CMSS1: variants seen among roughly 807,000 people sequenced by gnomAD.
The protein encoded by CMSS1 is cms1 ribosomal small subunit homolog, also known as protein CMSS1.
In CMSS1, 33 loss-of-function variants were observed where a neutral mutation model predicts 43.5. That is an observed-to-expected ratio of 0.76 (90% CI 0.57 to 1.01). CMSS1 has a LOEUF of 1.01. Among genes scored for constraint, CMSS1 ranks in the 50% least tolerant of loss-of-function variants. The pLI is 0.00. For missense variants in CMSS1, 313 were observed against 326.4 expected, an observed-to-expected ratio of 0.96 and a Z score of 0.32; for synonymous variants, 115 against 117.2, an observed-to-expected ratio of 0.98 and a Z score of 0.12.
At chr3:99,907,748 T>A (rs1706666164) in intron 1 of CMSS1, among the ~76,000 whole-genome samples, 1 of 152,228 alleles carries the variant, frequency 6.6e-6, no homozygotes, top group Non-Finnish European at 1.5e-5. Flanking sequence ...CTTCTCTTTT[T>A]CTCCTTGTCT....
chr3:99,823,925 C>CTTT (rs1288112808), intron 1 of CMSS1, among the ~76,000 whole-genome samples: 2 of 141,978 alleles, frequency 1.4e-5, no homozygotes, highest in African/African-American at 2.6e-5. Context: ...TTCTTTCTTT[C>CTTT]TTTTTTTTTT....
chr3:100,025,163 A>G (rs1415242580), intron 1 of CMSS1, among the ~76,000 whole-genome samples: 2 of 152,166 alleles, frequency 1.3e-5, no homozygotes, highest in East Asian at 3.8e-4. Context: ...TAGCTAAAAG[A>G]GAGAAAGGCT....
At chr3:100,076,394 C>A (rs1304237885) in intron 1 of CMSS1, among the ~76,000 whole-genome samples, 4 of 152,236 alleles carry the variant, frequency 2.6e-5, no homozygotes, top group African/African-American at 4.8e-5. Context: ...TTACTCACCA[C>A]CCGCCCAACA....
chr3:99,836,317 C>T (rs1266690390), intron 1 of CMSS1, among the ~76,000 whole-genome samples: 2 of 151,984 alleles, frequency 1.3e-5, no homozygotes, highest in Non-Finnish European at 2.9e-5. Flanking sequence ...TGAACCTGAG[C>T]AGTGGGGAAG....
rs187675975 is a variant in CMSS1 at position 100,126,947 on chromosome 3, G to A, written c.65-20026G>A. On this transcript the variant is annotated intron_variant, in intron 1 of 9. Transcript: ENST00000421999. ...CGGGAGGCGGAGCTTGCAGTGAGCC[G>A]AGATCTCGCCACTGCACTCTAGCCT... Among the ~76,000 whole-genome samples, 267 of 151,642 alleles carry A rather than the reference G, an allele frequency of 1.8e-3. 2 individuals are homozygous for A. The highest frequency in any genetic ancestry group is 3.5e-3 in the Admixed American group (54 of 15,242).
intron 1 of CMSS1, among the ~76,000 whole-genome samples, chr3:99,879,717 T>G (rs1243281311): frequency 6.6e-6 from 1 of 152,248 alleles, no homozygotes; most frequent in Non-Finnish European, 1.5e-5. Context: ...GAGATGGTAA[T>G]GCTAACTTTG....
intron 1 of CMSS1, among the ~76,000 whole-genome samples, chr3:99,883,686 A>C (rs867560195): frequency 6.6e-6 from 1 of 152,208 alleles, no homozygotes; most frequent in Non-Finnish European, 1.5e-5. Flanking sequence ...AATCACTTCT[A>C]TACTGGTTTT....
intron 1 of CMSS1, chr3:99,849,547 G>GCTT (rs749900665): frequency 1.5e-5 from 25 of 1,613,184 alleles, no homozygotes; most frequent in Non-Finnish European, 1.9e-5. Flanking sequence ...CCCTGACTTA[G>GCTT]CTTCTTCTTC....
chr3:100,084,392 T>C lies in CMSS1; in HGVS notation c.65-62581T>C, dbSNP rs1001094567. On this transcript the variant is annotated intron_variant, in intron 1 of 9. Coordinates refer to ENST00000421999, the MANE Select transcript of CMSS1 (RefSeq NM_032359.4). ...AAACTAGTTAATTTGGACCTAAATA[T>C]GAATTTTGATCAAGGCTGCTTGCAA... Among the ~76,000 whole-genome samples, 5 of 152,346 alleles carry C rather than the reference T, an allele frequency of 3.3e-5. No homozygotes were observed. In the South Asian group the frequency reaches 1.0e-3, roughly 32 times the overall value.
At chr3:100,044,975 T>G (rs1010310580) in intron 1 of CMSS1, among the ~76,000 whole-genome samples, 4 of 152,174 alleles carry the variant, frequency 2.6e-5, no homozygotes, top group African/African-American at 9.7e-5. Flanking sequence ...TTAAGAACAT[T>G]TAGAGGAGAG....
intron 1 of CMSS1, among the ~76,000 whole-genome samples, chr3:100,009,389 A>T (rs1194157749): frequency 1.3e-5 from 2 of 152,180 alleles, no homozygotes; most frequent in East Asian, 3.8e-4. Flanking sequence ...AAGCAGAAAC[A>T]AGACTGTCTG....
At chr3:99,830,550 G>A (rs1406233724) in intron 1 of CMSS1, 4 of 456,596 alleles carry the variant, frequency 8.8e-6, no homozygotes, top group South Asian at 1.5e-5. Context: ...GGTGATGCCT[G>A]TAGATTTCGG....
chr3:100,026,300 A>C (rs553805392), intron 1 of CMSS1, among the ~76,000 whole-genome samples: 33 of 152,258 alleles, frequency 2.2e-4, no homozygotes, highest in African/African-American at 7.7e-4. Flanking sequence ...ATATGGTAGA[A>C]CTTTGGGCAG....
intron 1 of CMSS1, among the ~76,000 whole-genome samples, chr3:99,876,618 G>A (rs1705538340): frequency 6.6e-6 from 1 of 152,172 alleles, no homozygotes; most frequent in Non-Finnish European, 1.5e-5. Context: ...CTGGGGTTTT[G>A]TGGAGACATC....
chr3:99,989,947 G>A (rs763113881), intron 1 of CMSS1, among the ~76,000 whole-genome samples: 1 of 152,084 alleles, frequency 6.6e-6, no homozygotes, highest in Non-Finnish European at 1.5e-5. Context: ...GTGCTTAAGA[G>A]TGCAAGAGAG....
At chr3:99,864,928 C>T (rs973332622) in intron 1 of CMSS1, among the ~76,000 whole-genome samples, 1 of 152,164 alleles carries the variant, frequency 6.6e-6, no homozygotes, top group East Asian at 1.9e-4. Flanking sequence ...ACACGCATCT[C>T]ATTCAATGAT....
At chr3:100,038,910 AAAG>A (rs1318221130) in intron 1 of CMSS1, among the ~76,000 whole-genome samples, 102 of 152,318 alleles carry the variant, frequency 6.7e-4, no homozygotes, top group African/African-American at 2.3e-3. Flanking sequence ...CATGTAATAA[AAAG>A]AAGAAAGAAT....
chr3:100,177,818 C>T (rs2067160486), intron 9 of CMSS1, among the ~76,000 whole-genome samples: 1 of 152,090 alleles, frequency 6.6e-6, no homozygotes. Context: ...CCTGTCTCTA[C>T]AAAACAATAA....
chr3:99,862,125 G>A (rs1944292614), intron 1 of CMSS1, among the ~76,000 whole-genome samples: 2 of 152,082 alleles, frequency 1.3e-5, no homozygotes, highest in Admixed American at 6.5e-5. Flanking sequence ...TAACAAATAC[G>A]CTAATTAGCT....
Sources: gnomAD v4.1 joint callset for allele counts (sites outside exome capture counted in the v4.1 genomes callset) on GRCh38, gnomAD v4.1.1 for gene constraint, MANE v1.5 for transcripts, NCBI Gene and HGNC (gene_info 2026-07-23, HGNC 2026-07-21) for gene names.